FAM120B: variants seen among roughly 807,000 people sequenced by gnomAD.
FAM120B encodes the protein constitutive coactivator of peroxisome proliferator-activated receptor gamma.
Under a neutral mutation model 96.3 loss-of-function variants are expected in FAM120B, and 83 were observed. The ratio of observed to expected loss-of-function variants is 0.86; its 90% confidence interval spans 0.72 to 1.03. The LOEUF is 1.03. FAM120B is among the 50% of genes least tolerant of loss of function. The pLI is 0.00. For missense variants in FAM120B, 1,027 were observed against 1,121.2 expected, an observed-to-expected ratio of 0.92 and a Z score of 1.20; for synonymous variants, 407 against 402.7, an observed-to-expected ratio of 1.01 and a Z score of -0.13.
rs141669520 is a variant in FAM120B, at chr6:170,320,853, AG to A, written c.1734+1734del. ...AGGGGATAATCCCCACAAAAGTCCA[AG>A]GGGGCAAGTTTCAAGAATGAGAAAA... On this transcript the variant is annotated intron_variant, in intron 2 of 10. Transcript: ENST00000476287. Among the ~76,000 whole-genome samples, 1,336 of 152,326 alleles carry A rather than the reference AG, an allele frequency of 8.8e-3. 66 individuals are homozygous for A. The East Asian group carries it at 0.11, about 12-fold the overall frequency.
In FAM120B at chr6:170,317,905, G is replaced by C; in HGVS notation, c.515G>C (p.Cys172Ser). 6.2e-7 allele frequency: 1 copy of C among 1,614,196 alleles called. No homozygotes were observed. Among genetic ancestry groups the C allele is most frequent in the Non-Finnish European group, 8.5e-7 (1 of 1,180,010 alleles). Residue 172 changes from cysteine (C) to serine (S), a missense_variant, in exon 2 of 11, where the codon TGT (cysteine) becomes TCT (serine). Cys to Ser is a moderately radical substitution (Grantham distance 112). Transcript: ENST00000476287. The stretch of plus-strand genomic sequence containing the variant: ...GCTTCCTATGGCCTCCAGCATAACT[G>C]TCTTGGGATTCTGGGGGAAGACACT... ...EVASYGLQHNCLGILGEDTDY... is the reference protein window; with the variant it reads ...EVASYGLQHNSLGILGEDTDY...
intron 6 of FAM120B, among the ~76,000 whole-genome samples, chr6:170,360,520 T>C (rs1411012279): frequency 6.6e-6 from 1 of 152,070 alleles, no homozygotes; most frequent in Non-Finnish European, 1.5e-5. Context: ...AAAAGGTTGG[T>C]TTTAAAAGCA....
intron 9 of FAM120B, among the ~76,000 whole-genome samples, chr6:170,398,564 T>G (rs1778340176): frequency 1.4e-5 from 2 of 140,822 alleles, no homozygotes; most frequent in South Asian, 4.4e-4. Flanking sequence ...AAGGTAGAAC[T>G]ATGTCATAAG....
At chr6:170,397,551 G>A (rs1055217905) in intron 9 of FAM120B, among the ~76,000 whole-genome samples, 7 of 152,238 alleles carry the variant, frequency 4.6e-5, no homozygotes, top group Non-Finnish European at 5.9e-5. Context: ...ATTGCAGCAG[G>A]TGGTGAGACC....
chr6:170,361,235 T>TATAC lies in FAM120B; in HGVS notation c.2283+2918_2283+2919insTACA, dbSNP rs1218513547. Among the ~76,000 whole-genome samples, 34 of 90,030 alleles carry TATAC rather than the reference T, an allele frequency of 3.8e-4. No individual in the cohort carries two copies. The South Asian group carries it at 4.3e-3, about 11-fold the overall frequency. 59.1% of individuals were successfully genotyped at this position (90,030 alleles called of 152,430 possible). Reference sequence around the variant, plus strand: ...ATATATATATATATATATATATATATACACGTATATATATATATACGTGTA... The same window carrying TATAC: ...ATATATATATATATATATATATATATATACACACGTATATATATATATACGTGTA... On this transcript the variant is annotated intron_variant, in intron 6 of 10. Transcript: ENST00000476287.
chr6:170,296,126 C>G (rs1454151255), intron 1 of FAM120B, among the ~76,000 whole-genome samples: 1 of 152,150 alleles, frequency 6.6e-6, no homozygotes, highest in Non-Finnish European at 1.5e-5. Flanking sequence ...CAGATTACCG[C>G]AGCAGCTGCT....
At chr6:170,340,588 T>C (rs950228737) in intron 4 of FAM120B, among the ~76,000 whole-genome samples, 1 of 152,242 alleles carries the variant, frequency 6.6e-6, no homozygotes, top group Non-Finnish European at 1.5e-5. Context: ...TTTTGTAATT[T>C]TCAGCATTTT....
chr6:170,402,206 AT>A, intron 9 of FAM120B, among the ~76,000 whole-genome samples: 1 of 152,310 alleles, frequency 6.6e-6, no homozygotes, highest in East Asian at 1.9e-4. Context: ...TTGCTTTAAT[AT>A]TTGCTTCCTG....
At chr6:170,312,364 G>A (rs1405085285) in intron 1 of FAM120B, among the ~76,000 whole-genome samples, 7 of 151,998 alleles carry the variant, frequency 4.6e-5, no homozygotes, top group Non-Finnish European at 1.0e-4. Context: ...TTTAAAATTT[G>A]TGATAATTTA....
At chr6:170,365,080 G>A (rs754940519) in intron 6 of FAM120B, among the ~76,000 whole-genome samples, 2 of 152,226 alleles carry the variant, frequency 1.3e-5, no homozygotes, top group Non-Finnish European at 2.9e-5. Context: ...CCTGGGGCAC[G>A]TACTCCTGCC....
upstream of FAM120B, among the ~76,000 whole-genome samples, chr6:170,304,630 C>A (rs1327295026): frequency 3.3e-5 from 5 of 152,150 alleles, no homozygotes; most frequent in Admixed American, 3.3e-4. Flanking sequence ...GGTGGGGCTC[C>A]TTGCTCTGCC....
At chr6:170,400,449 T>G (rs924944674) in intron 9 of FAM120B, among the ~76,000 whole-genome samples, 3 of 152,176 alleles carry the variant, frequency 2.0e-5, no homozygotes, top group Non-Finnish European at 4.4e-5. Context: ...TCTTTCATTT[T>G]CTTCCAGAGG....
chr6:170,339,031 G>T (rs1240307354), intron 4 of FAM120B, among the ~76,000 whole-genome samples: 1 of 152,070 alleles, frequency 6.6e-6, no homozygotes, highest in Non-Finnish European at 1.5e-5. Context: ...TACATTTAAG[G>T]TTAATATTGT....
rs41269639 is a variant in FAM120B at position 170,358,231 on chromosome 6, C to T, written c.2196C>T (p.Asp732=). The T allele has an allele frequency of 0.017, 26,524 of 1,599,518 alleles. 294 individuals carry two copies. The highest frequency in any genetic ancestry group is 0.02 in the Non-Finnish European group (23,641 of 1,169,610). Residue 732 remains aspartate (D), a synonymous_variant, in exon 6 of 11, where the codon GAC becomes GAT. Coordinates refer to ENST00000476287, the MANE Select transcript of FAM120B (RefSeq NM_032448.3). ...CLLIYLFVQV[D]TLCLEDLHAF... Reference sequence around the variant, plus strand: ...CCTTTCTCTGTCCTTTTCAGGTGGACACGCTTTGCCTGGAGGATTTGCATG... The same window carrying T: ...CCTTTCTCTGTCCTTTTCAGGTGGATACGCTTTGCCTGGAGGATTTGCATG...
intron 1 of FAM120B, among the ~76,000 whole-genome samples, chr6:170,299,666 T>G (rs1217602721): frequency 6.6e-6 from 1 of 152,270 alleles, no homozygotes; most frequent in African/African-American, 2.4e-5. Flanking sequence ...TCTGTAGGAA[T>G]TATTCCTTCT....
chr6:170,318,417 A>G lies in FAM120B; in HGVS notation c.1027A>G (p.Met343Val). 6.2e-7 allele frequency: 1 copy of G among 1,614,098 alleles called. No individual in the cohort carries two copies. The highest frequency in any genetic ancestry group is 8.5e-7 in the Non-Finnish European group (1 of 1,180,034). Reference sequence around the variant, plus strand: ...CGCCGAATCCAGGGAAGAAGTTCCCATGTGTTCAGATGCTGAATCCAGGCA... The same window carrying G: ...CGCCGAATCCAGGGAAGAAGTTCCCGTGTGTTCAGATGCTGAATCCAGGCA... ...SDAESREEVPMCSDAESRQEV... is the reference protein window; with the variant it reads ...SDAESREEVPVCSDAESRQEV... Residue 343 changes from methionine to valine, a missense_variant, in exon 2 of 11, where the codon ATG becomes GTG. By Grantham distance (21) the Met-to-Val change is conservative (BLOSUM62 1). Coordinates refer to ENST00000476287, the MANE Select transcript of FAM120B (RefSeq NM_032448.3).
At position 170,366,510 on chromosome 6, in the gene FAM120B, C is replaced by T. The variant is rs536905592; in HGVS notation, c.2283+8192C>T. Reference sequence around the variant, plus strand: ...GGCATGAGGGAGAGTGGCGTGTGAGCGCACCTGAGTGGGGTTCCCCTGGTG... The same window carrying T: ...GGCATGAGGGAGAGTGGCGTGTGAGTGCACCTGAGTGGGGTTCCCCTGGTG... On this transcript the variant is annotated intron_variant, in intron 6 of 10. Transcript: ENST00000476287. Among the ~76,000 whole-genome samples, 15 of 152,276 alleles carry T rather than the reference C, an allele frequency of 9.9e-5. No individual in the cohort carries two copies. In the South Asian group the frequency reaches 2.3e-3, roughly 23 times the overall value.
chr6:170,344,451 A>G (rs1012736819), intron 4 of FAM120B, among the ~76,000 whole-genome samples: 3 of 109,866 alleles, frequency 2.7e-5, no homozygotes, highest in African/African-American at 3.9e-5. Context: ...CGTTCAGTCC[A>G]TTCACCTGCA....
At chr6:170,351,247 C>A (rs1427934208) in intron 5 of FAM120B, among the ~76,000 whole-genome samples, 1 of 151,966 alleles carries the variant, frequency 6.6e-6, no homozygotes, top group Non-Finnish European at 1.5e-5. Context: ...AGAATAGAGA[C>A]AAAAGAATTA....
Sources: gnomAD v4.1 joint callset for allele counts (sites outside exome capture counted in the v4.1 genomes callset) on GRCh38, gnomAD v4.1.1 for gene constraint, MANE v1.5 for transcripts, NCBI Gene and HGNC (gene_info 2026-07-23, HGNC 2026-07-21) for gene names.